Variants in SNTG1 observed in about 807,000 individuals in gnomAD.
SNTG1 encodes the protein gamma-1-syntrophin.
SNTG1 carries 39 observed loss-of-function variants against 74.7 expected under a neutral mutation model. The ratio of observed to expected loss-of-function variants is 0.52; its 90% CI spans 0.40 to 0.68. The LOEUF (loss-of-function observed/expected upper bound fraction) is 0.68, where lower values mean the gene tolerates loss of function less well. Among genes scored for constraint, SNTG1 ranks in the 30% least tolerant of loss-of-function variants. The pLI is 0.00. For missense variants in SNTG1, 685 were observed against 609.5 expected (o/e 1.12, Z -1.30); for synonymous variants, 254 against 217.1 (o/e 1.17, Z -1.49).
At chr8:50,549,332 C>T (rs1032573531) in intron 11 of SNTG1, among the ~76,000 whole-genome samples, 3 of 152,006 alleles carry the variant, frequency 2.0e-5, no homozygotes, top group Admixed American at 2.0e-4. Context: ...AGTCACAAAC[C>T]CAAGGGGCCT....
At chr8:50,725,214 G>A (rs1012663061) in intron 17 of SNTG1, among the ~76,000 whole-genome samples, 2 of 152,264 alleles carry the variant, frequency 1.3e-5, no homozygotes, top group African/African-American at 4.8e-5. Flanking sequence ...TACTAATCCT[G>A]TATTTCAAGC....
chr8:50,353,323 G>A (rs1025414321), intron 2 of SNTG1, among the ~76,000 whole-genome samples: 1 of 151,818 alleles, frequency 6.6e-6, no homozygotes. Flanking sequence ...GTTAATGGGT[G>A]CAGCACACCA....
intron 13 of SNTG1, among the ~76,000 whole-genome samples, chr8:50,653,884 C>G (rs1384989821): frequency 6.6e-6 from 1 of 152,100 alleles, no homozygotes; most frequent in Non-Finnish European, 1.5e-5. Flanking sequence ...TTTCCAGAAG[C>G]TAAACGATGT....
At chr8:50,734,991 C>T (rs960062837) in intron 17 of SNTG1, among the ~76,000 whole-genome samples, 1 of 144,084 alleles carries the variant, frequency 6.9e-6, no homozygotes, top group South Asian at 2.2e-4. Flanking sequence ...ATATATATGT[C>T]CATATATATA....
At chr8:49,924,253 C>A (rs916622922) in intron 1 of SNTG1, among the ~76,000 whole-genome samples, 12 of 152,054 alleles carry the variant, frequency 7.9e-5, no homozygotes, top group African/African-American at 2.9e-4. Context: ...ATTATTATGA[C>A]TTTCATAAAG....
chr8:50,078,040 A>G (rs1822057686), intron 1 of SNTG1, among the ~76,000 whole-genome samples: 1 of 152,124 alleles, frequency 6.6e-6, no homozygotes, highest in Non-Finnish European at 1.5e-5. Flanking sequence ...CAATTAAGGG[A>G]CTTTCCCAAT....
rs1005819549 is a variant in SNTG1 at position 50,752,169 on chromosome 8, C to A, written c.1395+58C>A. ...TAACTACATTAATGCCATTAAGGAA[C>A]AAAGAGGGGAAACTTTCGGGGAATC... On this transcript the variant is annotated intron_variant, in intron 18 of 18. Coordinates refer to ENST00000642720, the MANE Select transcript of SNTG1 (RefSeq NM_018967.5). The A allele has an allele frequency of 2.2e-5, 21 of 938,186 alleles. No individual in the cohort carries two copies. The South Asian group carries it at 4.4e-4, about 20-fold the overall frequency. The allele number at this position is 938,186 out of a possible 1,614,324, so 58.1% of individuals were successfully genotyped here. A position where few individuals can be genotyped will look rare whatever the true frequency, so the allele number is the denominator to read the frequency against.
chr8:50,253,790 ATTATG>A (rs960887866), intron 2 of SNTG1, among the ~76,000 whole-genome samples: 8 of 152,114 alleles, frequency 5.3e-5, no homozygotes, highest in African/African-American at 1.9e-4. Context: ...CCTGAAGAAC[ATTATG>A]TTAAGTGAAA....
intron 15 of SNTG1, among the ~76,000 whole-genome samples, chr8:50,693,045 T>C (rs2095388987): frequency 6.6e-6 from 1 of 152,198 alleles, no homozygotes; most frequent in Non-Finnish European, 1.5e-5. Flanking sequence ...CATAGGACCC[T>C]CTGAGCCAGG....
chr8:50,419,850 A>C (rs942369555), intron 4 of SNTG1, among the ~76,000 whole-genome samples: 1 of 152,194 alleles, frequency 6.6e-6, no homozygotes, highest in Non-Finnish European at 1.5e-5. Flanking sequence ...AAAAAATTCA[A>C]AATTATTGAA....
At chr8:50,732,329 G>C (rs2095514864) in intron 17 of SNTG1, among the ~76,000 whole-genome samples, 1 of 151,920 alleles carries the variant, frequency 6.6e-6, no homozygotes, top group African/African-American at 2.4e-5. Context: ...CTACACAGTA[G>C]GTTAATGTCA....
rs187378273 is a variant in SNTG1 at position 50,692,401 on chromosome 8, A to G, written c.1039-12199A>G. 9.5e-4 allele frequency among the ~76,000 whole-genome samples: 145 copies of G among 151,900 alleles called. 1 individual carries two copies. Among genetic ancestry groups the G allele is most frequent in the African/African-American group, 3.4e-3 (141 of 41,410 alleles). On this transcript the variant is annotated intron_variant, in intron 15 of 18. Coordinates refer to ENST00000642720, the MANE Select transcript of SNTG1 (RefSeq NM_018967.5). The stretch of plus-strand genomic sequence containing the variant: ...TGGTTTTATCTACCTTTGGTCTTTG[A>G]TGATGGTGACATACAGATGGGTTTT...
At chr8:50,251,473 C>T (rs1273615039) in intron 2 of SNTG1, among the ~76,000 whole-genome samples, 1 of 151,696 alleles carries the variant, frequency 6.6e-6, no homozygotes, top group African/African-American at 2.4e-5. Flanking sequence ...TATATGTTGC[C>T]TATAACAGAT....
chr8:50,287,103 C>T (rs1316585647), intron 2 of SNTG1, among the ~76,000 whole-genome samples: 1 of 152,104 alleles, frequency 6.6e-6, no homozygotes, highest in Non-Finnish European at 1.5e-5. Flanking sequence ...CCTTTGACTC[C>T]TAATAAAATA....
intron 15 of SNTG1, among the ~76,000 whole-genome samples, chr8:50,683,269 T>G (rs867716602): frequency 2.0e-5 from 3 of 152,174 alleles, no homozygotes; most frequent in South Asian, 2.1e-4. Context: ...TTGAAAATAT[T>G]TCCCCGTTGA....
At chr8:50,581,784 C>G (rs2094611544) in intron 12 of SNTG1, among the ~76,000 whole-genome samples, 1 of 152,148 alleles carries the variant, frequency 6.6e-6, no homozygotes, top group African/African-American at 2.4e-5. Context: ...CAGACTCAAG[C>G]TCAGTTCGTT....
chr8:50,626,787 G>A (rs1350811490), intron 13 of SNTG1, among the ~76,000 whole-genome samples: 1 of 152,176 alleles, frequency 6.6e-6, no homozygotes, highest in Non-Finnish European at 1.5e-5. Flanking sequence ...TGGCCATCAG[G>A]AACATGTCAG....
chr8:50,128,738 C>T (rs1030311075), intron 1 of SNTG1, among the ~76,000 whole-genome samples: 7 of 152,098 alleles, frequency 4.6e-5, no homozygotes, highest in Non-Finnish European at 8.8e-5. Flanking sequence ...CCCCAATTCT[C>T]AGCTTGCAGT....
At chr8:50,292,116 G>T (rs761580419) in intron 2 of SNTG1, among the ~76,000 whole-genome samples, 2 of 152,036 alleles carry the variant, frequency 1.3e-5, no homozygotes, top group African/African-American at 2.4e-5. Flanking sequence ...CTGAAAATAC[G>T]GTATCCATCA....
Sources: allele counts gnomAD v4.1 joint callset (sites outside exome capture counted in the v4.1 genomes callset), GRCh38; gene constraint gnomAD v4.1.1; transcripts MANE v1.5; gene names NCBI Gene and HGNC (gene_info 2026-07-23, HGNC 2026-07-21).